MPDZ: variants seen among roughly 807,000 people sequenced by gnomAD.
MPDZ encodes the protein multiple PDZ domain crumbs cell polarity complex component.
A neutral mutation model predicts 239.1 loss-of-function variants in MPDZ; 234 were observed. That is an observed-to-expected ratio of 0.98 (90% CI 0.88 to 1.09). The LOEUF (loss-of-function observed/expected upper bound fraction) is 1.09. MPDZ is among the 50% of genes least tolerant of loss of function. The pLI is 0.00. For missense variants in MPDZ, 3,175 were observed against 2,510.0 expected (o/e 1.26, Z -5.66); for synonymous variants, 1,048 against 881.3 (o/e 1.19, Z -3.35).
At chr9:13,192,065 A>G in intron 15 of MPDZ, 66 bp downstream of exon 15, 1 of 1,328,338 alleles carries the variant, frequency 7.5e-7, no homozygotes, top group Non-Finnish European at 9.8e-7. Context: ...AATGCTTAAA[A>G]AATTTTAAGC....
Position 13,112,021 on chromosome 9 carries a change from C to G in MPDZ, c.5724+3G>C. The G allele has an allele frequency of 6.2e-7, 1 of 1,613,264 alleles. No homozygotes were observed. Among genetic ancestry groups the G allele is most frequent in the Non-Finnish European group, 8.5e-7 (1 of 1,179,398 alleles). ...GGCTTCTAGGGTTGATAGTACGACT[C>G]ACTCTGAGTTTTTGGGTCTGTGCTG... On this transcript the variant is annotated splice_donor_region_variant and intron_variant, in intron 43 of 46. Transcript: ENST00000319217.
At chr9:13,125,889 A>T (rs962628028) in intron 34 of MPDZ, among the ~76,000 whole-genome samples, 1 of 152,244 alleles carries the variant, frequency 6.6e-6, no homozygotes, top group Non-Finnish European at 1.5e-5. Flanking sequence ...TGGCCTAAAT[A>T]CTTACTAAAA....
chr9:13,217,808 A>T (rs769686793), intron 8 of MPDZ, among the ~76,000 whole-genome samples: 1 of 151,648 alleles, frequency 6.6e-6, no homozygotes, highest in African/African-American at 2.4e-5. Flanking sequence ...CAGGATTAAG[A>T]CTCTACATGT....
At chr9:13,145,040 T>C (rs1323279892) in intron 26 of MPDZ, among the ~76,000 whole-genome samples, 1 of 152,118 alleles carries the variant, frequency 6.6e-6, no homozygotes, top group Non-Finnish European at 1.5e-5. Flanking sequence ...AAGAAAGCTC[T>C]AGTTTTTAAA....
intron 33 of MPDZ, 23 bp from the exon 34 acceptor site, chr9:13,126,613 T>C (rs1447175610): frequency 1.2e-6 from 2 of 1,611,154 alleles, no homozygotes; most frequent in Non-Finnish European, 1.7e-6. Flanking sequence ...GTAGAAGAAT[T>C]TGAGTGATAT....
chr9:13,160,830 T>TTATACATATATA (rs1161748804), intron 23 of MPDZ, among the ~76,000 whole-genome samples: 8 of 37,990 alleles, frequency 2.1e-4, no homozygotes, highest in Non-Finnish European at 3.2e-4. Flanking sequence ...ATTATTAAAA[T>TTATACATATATA]TATATATATA....
intron 1 of MPDZ, among the ~76,000 whole-genome samples, chr9:13,275,624 C>T (rs1441457314): frequency 6.6e-6 from 1 of 152,052 alleles, no homozygotes; most frequent in Non-Finnish European, 1.5e-5. Flanking sequence ...TGGCTACAAA[C>T]GTTTTAGGGT....
chr9:13,211,343 C>G (rs1230747321), intron 10 of MPDZ, among the ~76,000 whole-genome samples: 2 of 152,066 alleles, frequency 1.3e-5, no homozygotes, highest in Non-Finnish European at 2.9e-5. Context: ...AATAAATCCT[C>G]TTTGTCCAAC....
chr9:13,162,805 A>G lies in MPDZ; in HGVS notation c.3255-10T>C. On this transcript the variant is annotated splice_polypyrimidine_tract_variant and intron_variant, in intron 22 of 46. Transcript: ENST00000319217. ...AGGCACATAAGTAATTCTGGAACAA[A>G]CCAGAATCCATGGAAGTGAAGGGAA... 6.4e-7 allele frequency: 1 copy of G among 1,569,838 alleles called. No individual in the cohort carries two copies. The highest frequency in any genetic ancestry group is 8.7e-7 in the Non-Finnish European group (1 of 1,143,136).
At chr9:13,219,873 C>A (rs1958866240) in intron 7 of MPDZ, 105 bp from the exon 8 acceptor site, 1 of 1,050,074 alleles carries the variant, frequency 9.5e-7, no homozygotes, top group South Asian at 1.5e-5. Context: ...ATATGAGTTA[C>A]CAATCAGGAC....
intron 1 of MPDZ, among the ~76,000 whole-genome samples, chr9:13,259,083 T>C (rs1262356719): frequency 2.0e-5 from 3 of 152,154 alleles, no homozygotes; most frequent in Non-Finnish European, 4.4e-5. Flanking sequence ...TCTGTTATTT[T>C]ATCTAACAAT....
intron 28 of MPDZ, 40 bp from the exon 29 acceptor site, chr9:13,138,193 A>T (rs747118358): frequency 6.7e-7 from 1 of 1,489,186 alleles, no homozygotes. Context: ...TTTACAGTTA[A>T]TTTACAGTCA....
intron 24 of MPDZ, among the ~76,000 whole-genome samples, chr9:13,157,369 T>C (rs1183728887): frequency 6.6e-6 from 1 of 152,188 alleles, no homozygotes; most frequent in Admixed American, 6.5e-5. Context: ...AGGATTTGCA[T>C]CTTCTATTTA....
rs184517669 is a variant in MPDZ, at chr9:13,119,203, C to G, written c.5379+299G>C. Among the ~76,000 whole-genome samples, 379 of 152,310 alleles carry G rather than the reference C, an allele frequency of 2.5e-3. 3 individuals carry two copies. Among genetic ancestry groups the G allele is most frequent in the Middle Eastern group, 0.01 (3 of 294 alleles). ...GACTCATGCGATCCTCCCACCTCAG[C>G]CTTCTGAGTAGCTGGGACTATAGGC... is the stretch of plus-strand genomic sequence containing the variant. On this transcript the variant is annotated intron_variant, in intron 39 of 46. Transcript: ENST00000319217.
chr9:13,127,380 C>T (rs1945277497), intron 32 of MPDZ, among the ~76,000 whole-genome samples: 1 of 152,206 alleles, frequency 6.6e-6, no homozygotes, highest in Non-Finnish European at 1.5e-5. Context: ...GGGAGCTACA[C>T]CTACTTCGCT....
intron 13 of MPDZ, among the ~76,000 whole-genome samples, chr9:13,194,663 G>A (rs1438526399): frequency 6.6e-6 from 1 of 151,924 alleles, no homozygotes; most frequent in Non-Finnish European, 1.5e-5. Flanking sequence ...GTATACCTAT[G>A]TAACAAACCT....
intron 38 of MPDZ, chr9:13,120,335 C>G (rs1409140906): frequency 6.6e-6 from 1 of 152,104 alleles, no homozygotes; most frequent in Non-Finnish European, 1.5e-5. Flanking sequence ...ATCACTTGTT[C>G]TTGCCAAGGT....
intron 1 of MPDZ, among the ~76,000 whole-genome samples, chr9:13,264,997 C>G (rs1482424578): frequency 2.0e-5 from 3 of 152,150 alleles, no homozygotes; most frequent in Non-Finnish European, 4.4e-5. Context: ...TTGCATAGAA[C>G]CAGGCAGGGG....
At chr9:13,210,570 T>G (rs1005067502) in intron 10 of MPDZ, among the ~76,000 whole-genome samples, 4 of 152,076 alleles carry the variant, frequency 2.6e-5, no homozygotes, top group African/African-American at 9.7e-5. Flanking sequence ...AGAGGTTGTT[T>G]AGCTGCTTTG....
Sources: allele counts gnomAD v4.1 joint callset (sites outside exome capture counted in the v4.1 genomes callset), GRCh38; gene constraint gnomAD v4.1.1; transcripts MANE v1.5; gene names NCBI Gene and HGNC (gene_info 2026-07-23, HGNC 2026-07-21).